The following CYYR1 variants were observed in gnomAD, a reference collection of about 807,000 sequenced individuals.
CYYR1 encodes the protein cysteine and tyrosine rich 1.
A neutral mutation model predicts 15.2 loss-of-function variants in CYYR1; 14 were observed. The ratio of observed to expected loss-of-function variants is 0.92; its 90% CI spans 0.61 to 1.44. The LOEUF (loss-of-function observed/expected upper bound fraction) is 1.44, where lower values mean the gene tolerates loss of function less well. Among genes scored for constraint, CYYR1 ranks in the 40% most tolerant of loss-of-function variants. CYYR1 has a pLI of 0.00. For missense variants in CYYR1, 228 were observed against 209.5 expected, an observed-to-expected ratio of 1.09 and a Z score of -0.54; for synonymous variants, 80 against 77.4, an observed-to-expected ratio of 1.03 and a Z score of -0.18.
At chr21:26,557,798 G>A (rs1979902983) in intron 2 of CYYR1, among the ~76,000 whole-genome samples, 1 of 150,236 alleles carries the variant, frequency 6.7e-6, no homozygotes, top group Non-Finnish European at 1.5e-5. Context: ...ACCATCTGAA[G>A]CTCACTGAGT....
intron 2 of CYYR1, among the ~76,000 whole-genome samples, chr21:26,559,782 G>C (rs888026414): frequency 2.0e-5 from 3 of 152,158 alleles, no homozygotes; most frequent in African/African-American, 4.8e-5. Context: ...ACGTCAGTCA[G>C]TTTCTAAGCT....
At chr21:26,471,185 C>G (rs1281925047) in intron 3 of CYYR1, 1 of 152,122 alleles carries the variant, frequency 6.6e-6, no homozygotes, top group Non-Finnish European at 1.5e-5. Flanking sequence ...TCATCCAAGC[C>G]AAGAATGAAA....
intron 2 of CYYR1, among the ~76,000 whole-genome samples, chr21:26,505,212 C>CT (rs1310004274): frequency 6.6e-6 from 1 of 152,190 alleles, no homozygotes; most frequent in Non-Finnish European, 1.5e-5. Flanking sequence ...GTTAATTACA[C>CT]TTTGTTTTCC....
chr21:26,555,840 G>T (rs1979738661), intron 2 of CYYR1, among the ~76,000 whole-genome samples: 1 of 152,072 alleles, frequency 6.6e-6, no homozygotes, highest in African/African-American at 2.4e-5. Flanking sequence ...CAACATAATG[G>T]AATAAAAATC....
intron 2 of CYYR1, among the ~76,000 whole-genome samples, chr21:26,500,792 G>A (rs115091059): frequency 0.011 from 1,631 of 152,264 alleles, 36 homozygotes; most frequent in African/African-American, 0.038. Flanking sequence ...GATAAGCCTT[G>A]CATGAAGTCT....
chr21:26,480,285 G>T lies in CYYR1; in HGVS notation c.321C>A (p.Val107=). The change falls in exon 3 of 4, where the codon GTC becomes GTA. Residue 107 remains valine (V), a synonymous_variant. Transcript: ENST00000652641. ...GILRTTHINT[V]SSYPAGPPPY... ...AGTTTTGCTCACCAGGATAGGAGGAGACGGTGTTGATGTGAGTCGTCCTGA... is the reference window on the plus strand; with the variant it reads ...AGTTTTGCTCACCAGGATAGGAGGATACGGTGTTGATGTGAGTCGTCCTGA... 6.2e-7 allele frequency: 1 copy of T among 1,611,730 alleles called. No homozygotes were observed. Among genetic ancestry groups the T allele is most frequent in the Non-Finnish European group, 8.5e-7 (1 of 1,179,004 alleles).
rs183731112 is a variant in CYYR1 at position 26,494,259 on chromosome 21, T to C, written c.177-13830A>G. Among the ~76,000 whole-genome samples, 76 of 152,310 alleles carry C rather than the reference T, an allele frequency of 5.0e-4. No homozygotes were observed. The Middle Eastern group carries it at 0.014, about 27-fold the overall frequency. On this transcript the variant is annotated intron_variant, in intron 2 of 3. Transcript: ENST00000652641. ...AGATTAGAAGTGAGTTAAATTTCGG[T>C]GTGATAATTAATTACAGTCCAACAA...
intron 2 of CYYR1, among the ~76,000 whole-genome samples, chr21:26,494,634 AT>A (rs149767208): frequency 0.01 from 1,574 of 150,102 alleles, 20 homozygotes; most frequent in African/African-American, 0.036. Flanking sequence ...ATCTTCTGTG[AT>A]TTTTTTTTTC....
At chr21:26,563,525 T>C (rs1263141539) in intron 2 of CYYR1, among the ~76,000 whole-genome samples, 2 of 152,096 alleles carry the variant, frequency 1.3e-5, no homozygotes, top group African/African-American at 2.4e-5. Context: ...TGAGCTGAGA[T>C]TGTGCCACAG....
chr21:26,504,498 A>C (rs1601763481), intron 2 of CYYR1, among the ~76,000 whole-genome samples: 1 of 151,980 alleles, frequency 6.6e-6, no homozygotes, highest in South Asian at 2.1e-4. Flanking sequence ...AATTTTTATT[A>C]TTTTAAAAAA....
intron 3 of CYYR1, among the ~76,000 whole-genome samples, chr21:26,479,676 T>A (rs2065147697): frequency 6.6e-6 from 1 of 152,154 alleles, no homozygotes; most frequent in Non-Finnish European, 1.5e-5. Context: ...AAATTTTTTT[T>A]TTCTTTTGTA....
At chr21:26,571,047 T>C (rs1980978841) in intron 1 of CYYR1, among the ~76,000 whole-genome samples, 2 of 152,238 alleles carry the variant, frequency 1.3e-5, no homozygotes, top group Non-Finnish European at 2.9e-5. Context: ...ACTTTCTTCT[T>C]TGAACATCTA....
intron 2 of CYYR1, among the ~76,000 whole-genome samples, chr21:26,547,365 G>A (rs2123672227): frequency 6.6e-6 from 1 of 152,172 alleles, no homozygotes; most frequent in East Asian, 1.9e-4. Context: ...AGTCATATGG[G>A]AGGAACAAAG....
intron 2 of CYYR1, among the ~76,000 whole-genome samples, chr21:26,484,113 C>T (rs1051390670): frequency 1.3e-5 from 2 of 152,028 alleles, no homozygotes; most frequent in African/African-American, 2.4e-5. Context: ...GTGAAATATT[C>T]CCAGGGGCAG....
At chr21:26,548,634 C>A (rs548541671) in intron 2 of CYYR1, among the ~76,000 whole-genome samples, 1 of 152,332 alleles carries the variant, frequency 6.6e-6, no homozygotes, top group Admixed American at 6.5e-5. Flanking sequence ...CAGGCATGAG[C>A]CACCAAGCCC....
intron 2 of CYYR1, among the ~76,000 whole-genome samples, chr21:26,487,639 C>A (rs2123428113): frequency 6.6e-6 from 1 of 152,012 alleles, no homozygotes; most frequent in South Asian, 2.1e-4. Context: ...TAAATAAATA[C>A]AGAAAATAAT....
chr21:26,527,197 C>T (rs1013142204), intron 2 of CYYR1, among the ~76,000 whole-genome samples: 7 of 152,138 alleles, frequency 4.6e-5, no homozygotes, highest in Non-Finnish European at 8.8e-5. Flanking sequence ...CAGTAAAGGC[C>T]AGAAACACTG....
At chr21:26,535,389 A>G (rs1213805371) in intron 2 of CYYR1, among the ~76,000 whole-genome samples, 1 of 152,192 alleles carries the variant, frequency 6.6e-6, no homozygotes, top group Non-Finnish European at 1.5e-5. Flanking sequence ...CCGCTTTAAG[A>G]GGGCTCATTG....
intron 2 of CYYR1, among the ~76,000 whole-genome samples, chr21:26,505,949 A>G (rs529242398): frequency 6.6e-6 from 1 of 152,326 alleles, no homozygotes; most frequent in Non-Finnish European, 1.5e-5. Flanking sequence ...TTAATCCTTT[A>G]TTGAGATATA....
Sources: allele counts gnomAD v4.1 joint callset (sites outside exome capture counted in the v4.1 genomes callset), GRCh38; gene constraint gnomAD v4.1.1; transcripts MANE v1.5; gene names NCBI Gene and HGNC (gene_info 2026-07-23, HGNC 2026-07-21).